USP8: variants seen among roughly 807,000 people sequenced by gnomAD.
The protein encoded by USP8 is ubiquitin carboxyl-terminal hydrolase 8.
In USP8, 27 loss-of-function variants were observed where a neutral mutation model predicts 130.0. The ratio of observed to expected loss-of-function variants is 0.21; its 90% CI spans 0.15 to 0.29. The LOEUF (loss-of-function observed/expected upper bound fraction) is 0.29, where lower values mean the gene tolerates loss of function less well. Among genes scored for constraint, USP8 ranks in the 10% least tolerant of loss-of-function variants. The pLI, the probability that USP8 is intolerant of heterozygous loss-of-function variation, is 1.00. For missense variants in USP8, 1,029 were observed against 1,312.2 expected, an observed-to-expected ratio of 0.78 and a Z score of 3.33; for synonymous variants, 392 against 444.1, an observed-to-expected ratio of 0.88 and a Z score of 1.48.
intron 6 of USP8, among the ~76,000 whole-genome samples, chr15:50,464,540 G>A (rs1401710022): frequency 6.6e-6 from 1 of 152,092 alleles, no homozygotes; most frequent in Non-Finnish European, 1.5e-5. Flanking sequence ...ACAGAGCATC[G>A]AACTGGTTTC....
intron 7 of USP8, among the ~76,000 whole-genome samples, chr15:50,470,486 A>G (rs564663817): frequency 1.9e-4 from 29 of 152,090 alleles, no homozygotes; most frequent in Non-Finnish European, 4.0e-4. Flanking sequence ...GCATGCCTGG[A>G]TGAACCAGGA....
Position 50,496,002 on chromosome 15 carries a change from CAT to C in USP8, c.2814_2815del (p.Cys939SerfsTer5). 1 of 1,614,002 alleles carries C rather than the reference CAT, an allele frequency of 6.2e-7. No individual in the cohort carries two copies. The highest frequency in any genetic ancestry group is 8.5e-7 in the Non-Finnish European group (1 of 1,180,022). ...TTCAAATCTACAGTACAGTGCCTCA[CAT>C]GTCACAAAAAGTCTAGGACATTTGA... is the stretch of plus-strand genomic sequence containing the variant. On this transcript the variant is annotated frameshift_variant, in exon 17 of 20. Coordinates refer to ENST00000307179, the MANE Select transcript of USP8 (RefSeq NM_005154.5). LOFTEE classifies it high-confidence loss of function.
chr15:50,447,269 C>G (rs922421239), intron 3 of USP8, among the ~76,000 whole-genome samples: 1 of 152,208 alleles, frequency 6.6e-6, no homozygotes, highest in African/African-American at 2.4e-5. Context: ...CAAACGGAGT[C>G]TTGCTCTGTT....
Position 50,496,203 on chromosome 15 carries a change from G to A in USP8, c.2895+119G>A, listed in dbSNP as rs560018416. On this transcript the variant is annotated intron_variant, in intron 17 of 19. Coordinates refer to ENST00000307179, the MANE Select transcript of USP8 (RefSeq NM_005154.5). ...AACATTTTATCAGTAAAACTCGGCCGGGCGCAGTGGCTCATACCTTGTACT... is the reference window on the plus strand; with the variant it reads ...AACATTTTATCAGTAAAACTCGGCCAGGCGCAGTGGCTCATACCTTGTACT... The A allele has an allele frequency of 4.1e-5, 33 of 814,508 alleles. 1 individual carries two copies. The highest frequency in any genetic ancestry group is 3.4e-4 in the South Asian group (19 of 55,244). The allele number at this position is 814,508 out of a possible 1,614,324, so 50.5% of individuals were successfully genotyped here.
intron 4 of USP8, among the ~76,000 whole-genome samples, chr15:50,451,527 C>T (rs1161070947): frequency 6.6e-6 from 1 of 152,234 alleles, no homozygotes; most frequent in East Asian, 1.9e-4. Flanking sequence ...TAATAAAGTC[C>T]CTGTTGCTAA....
intron 12 of USP8, 76 bp from the exon 13 acceptor site, chr15:50,489,725 T>C (rs1460579459): frequency 1.9e-5 from 21 of 1,084,626 alleles, no homozygotes; most frequent in Non-Finnish European, 2.6e-5. Flanking sequence ...CTTAAGTTTT[T>C]ATATGACAAA....
At chr15:50,453,860 CTT>C (rs71124355) in intron 4 of USP8, among the ~76,000 whole-genome samples, 8 of 86,946 alleles carry the variant, frequency 9.2e-5, no homozygotes, top group African/African-American at 9.1e-5. Flanking sequence ...TGGGAATATT[CTT>C]TTTTTTTTTT....
At chr15:50,484,189 T>G in intron 11 of USP8, 86 bp from the exon 12 acceptor site, 1 of 1,000,926 alleles carries the variant, frequency 1.0e-6, no homozygotes, top group Non-Finnish European at 1.4e-6. Flanking sequence ...TTCATTCTCA[T>G]AGATTCGGTT....
chr15:50,430,938 T>C (rs1195333591), intron 1 of USP8, among the ~76,000 whole-genome samples: 1 of 152,126 alleles, frequency 6.6e-6, no homozygotes, highest in Non-Finnish European at 1.5e-5. Flanking sequence ...AAGGGAAGGA[T>C]GATAGTAAAC....
chr15:50,446,323 A>T (rs767440702), intron 3 of USP8, among the ~76,000 whole-genome samples: 14 of 152,154 alleles, frequency 9.2e-5, no homozygotes, highest in Non-Finnish European at 1.8e-4. Flanking sequence ...AGGAAATCTC[A>T]CTAATATTAG....
At chr15:50,430,426 C>A (rs969497656) in intron 1 of USP8, among the ~76,000 whole-genome samples, 14 of 152,086 alleles carry the variant, frequency 9.2e-5, no homozygotes, top group Admixed American at 2.6e-4. Context: ...CCCAATTAGA[C>A]AGGGTCTCCC....
rs541269216 is a variant in USP8, at chr15:50,462,434, A to G, written c.541+112A>G. On this transcript the variant is annotated intron_variant, in intron 6 of 19. Coordinates refer to ENST00000307179, the MANE Select transcript of USP8 (RefSeq NM_005154.5). The stretch of plus-strand genomic sequence containing the variant: ...TTCTTAGCATTGTTGTCTAATCTCT[A>G]TGTAAGCTTTATCATTTTTCCTAGT... 8.8e-4 allele frequency: 799 copies of G among 907,034 alleles called. 3 individuals are homozygous for G. The highest frequency in any genetic ancestry group is 1.1e-3 in the Non-Finnish European group (711 of 619,838). 56.2% of individuals were successfully genotyped at this position (907,034 alleles called of 1,614,324 possible). A position where few individuals can be genotyped will look rare whatever the true frequency, so the allele number is the denominator to read the frequency against.
intron 16 of USP8, 69 bp from the exon 17 acceptor site, chr15:50,495,779 C>T: frequency 3.1e-6 from 4 of 1,281,454 alleles, no homozygotes; most frequent in South Asian, 2.9e-5. Flanking sequence ...TTTGTATTCA[C>T]TTTTATTCTT....
At chr15:50,456,160 A>T (rs1188762819) in intron 4 of USP8, among the ~76,000 whole-genome samples, 2 of 152,198 alleles carry the variant, frequency 1.3e-5, no homozygotes, top group Non-Finnish European at 1.5e-5. Context: ...TTATTTTTTA[A>T]GGCGAAAGGA....
chr15:50,439,315 A>G (rs1360135115), intron 2 of USP8, 138 bp downstream of exon 2: 2 of 566,944 alleles, frequency 3.5e-6, no homozygotes, highest in Non-Finnish European at 6.0e-6. Flanking sequence ...CCTTAGAGAA[A>G]GTTGTAATGT....
At chr15:50,487,039 G>T (rs1054315560) in intron 12 of USP8, among the ~76,000 whole-genome samples, 2 of 151,598 alleles carry the variant, frequency 1.3e-5, no homozygotes, top group Non-Finnish European at 2.9e-5. Flanking sequence ...CAGGAGAACC[G>T]CTTGAACCCA....
chr15:50,438,945 T>TTA, intron 1 of USP8, 64 bp from the exon 2 acceptor site: 1 of 639,486 alleles, frequency 1.6e-6, no homozygotes, highest in Non-Finnish European at 2.6e-6. Flanking sequence ...TTTTTTTTTT[T>TTA]AAACTGCTCA....
At chr15:50,427,875 T>A (rs908077228) in intron 1 of USP8, among the ~76,000 whole-genome samples, 4 of 150,512 alleles carry the variant, frequency 2.7e-5, no homozygotes, top group Admixed American at 2.7e-4. Context: ...TTTTTTAAAC[T>A]GAGACAAGGT....
rs925563292 is a variant in USP8, at chr15:50,437,056, C to G, written c.-65-1953C>G. ...ACTTGCTTGTTTAACCCATAACTTC[C>G]TAACTTTTACATCTCTCTGGATACT... On this transcript the variant is annotated intron_variant, in intron 1 of 19. Transcript: ENST00000307179. 7.4e-4 allele frequency among the ~76,000 whole-genome samples: 113 copies of G among 151,956 alleles called. 1 individual carries two copies. The highest frequency in any genetic ancestry group is 2.7e-3 in the African/African-American group (112 of 41,366).
Sources: gnomAD v4.1 joint callset for allele counts (sites outside exome capture counted in the v4.1 genomes callset) on GRCh38, gnomAD v4.1.1 for gene constraint, MANE v1.5 for transcripts, NCBI Gene and HGNC (gene_info 2026-07-23, HGNC 2026-07-21) for gene names.